The following TLCD4 variants were observed in gnomAD, a reference collection of about 807,000 sequenced individuals.
TLCD4 encodes the protein TLC domain-containing protein 4.
In TLCD4, 7 loss-of-function variants were observed where a neutral mutation model predicts 24.2. The observed-to-expected ratio is 0.29, with a 90% CI of 0.16 to 0.54. The LOEUF (loss-of-function observed/expected upper bound fraction) is 0.54, where lower values mean the gene tolerates loss of function less well. Ranked by LOEUF, TLCD4 falls within the 20% of genes least tolerant of loss-of-function variation. The pLI, the probability that TLCD4 is intolerant of heterozygous loss-of-function variation, is 0.95. For synonymous variants in TLCD4, 103 were observed against 106.4 expected (o/e 0.97, Z 0.20); for missense variants, 259 against 313.9 (o/e 0.82, Z 1.32).
chr1:95,121,659 C>G (rs535379883), intron 1 of TLCD4, among the ~76,000 whole-genome samples: 1 of 152,126 alleles, frequency 6.6e-6, no homozygotes, highest in East Asian at 1.9e-4. Flanking sequence ...TTGGTAGAGA[C>G]GGGGTTTCAC....
At chr1:95,150,560 G>A (rs1677466507) in intron 4 of TLCD4, among the ~76,000 whole-genome samples, 1 of 152,084 alleles carries the variant, frequency 6.6e-6, no homozygotes, top group Admixed American at 6.6e-5. Flanking sequence ...TAAGTGTAAT[G>A]ACTGTGAAAC....
chr1:95,114,991 G>A (rs1013080255), upstream of TLCD4, among the ~76,000 whole-genome samples: 1 of 151,088 alleles, frequency 6.6e-6, no homozygotes, highest in South Asian at 2.1e-4. Context: ...ACTTCATATG[G>A]TAAATACAGA....
intron 6 of TLCD4, among the ~76,000 whole-genome samples, chr1:95,175,299 T>C (rs1678381852): frequency 6.6e-6 from 1 of 152,232 alleles, no homozygotes; most frequent in African/African-American, 2.4e-5. Context: ...GTTTATCCTT[T>C]TGTGCCTGGC....
chr1:95,141,832 C>CACAA (rs1491056058), intron 1 of TLCD4, among the ~76,000 whole-genome samples: 1 of 141,308 alleles, frequency 7.1e-6, no homozygotes, highest in African/African-American at 2.7e-5. Context: ...CACACACACA[C>CACAA]AAAGAATGAG....
chr1:95,152,915 C>T (rs1342526051), intron 5 of TLCD4, among the ~76,000 whole-genome samples: 2 of 152,136 alleles, frequency 1.3e-5, no homozygotes, highest in Non-Finnish European at 2.9e-5. Flanking sequence ...CATTGATAGC[C>T]TTCACTTTTT....
chr1:95,184,907 AAT>A (rs2101015293), intron 6 of TLCD4, among the ~76,000 whole-genome samples: 1 of 152,296 alleles, frequency 6.6e-6, no homozygotes, highest in East Asian at 1.9e-4. Flanking sequence ...ACCTTGAGTT[AAT>A]ATTTGGGTTC....
chr1:95,196,189 T>A lies in TLCD4; in HGVS notation c.*4321T>A, dbSNP rs1220202255. On this transcript the variant is annotated 3_prime_UTR_variant, in exon 7 of 7. Coordinates refer to ENST00000370203, the MANE Select transcript of TLCD4 (RefSeq NM_152487.3). Reference sequence around the variant, plus strand: ...TCATCTCTGTTTTTCTTAAACTGGTTTAACAGTCAGAGCTTTGTAATGTGT... The same window carrying A: ...TCATCTCTGTTTTTCTTAAACTGGTATAACAGTCAGAGCTTTGTAATGTGT... 6.6e-6 allele frequency: 1 copy of A among 152,214 alleles called. No individual in the cohort carries two copies. Among genetic ancestry groups the A allele is most frequent in the Non-Finnish European group, 1.5e-5 (1 of 68,036 alleles). 9.4% of individuals were successfully genotyped at this position (152,214 alleles called of 1,614,324 possible).
the TLCD4 span, among the ~76,000 whole-genome samples, chr1:95,099,053 C>CAA: frequency 2.4e-4 from 17 of 70,656 alleles, 1 homozygote; most frequent in South Asian, 6.1e-4. Context: ...AACTCTGTCT[C>CAA]AAAAAAAAAA....
intron 1 of TLCD4, among the ~76,000 whole-genome samples, chr1:95,133,386 A>T (rs923578237): frequency 1.4e-4 from 5 of 36,768 alleles, no homozygotes; most frequent in Middle Eastern, 8.9e-3. Flanking sequence ...AAGTATAATT[A>T]AAAAAAAAAG....
intron 2 of TLCD4, among the ~76,000 whole-genome samples, chr1:95,147,063 A>G (rs1318602648): frequency 6.6e-6 from 1 of 151,636 alleles, no homozygotes; most frequent in Admixed American, 6.6e-5. Context: ...TTTATTTTAT[A>G]TCAAGGAATT....
At chr1:95,120,146 A>G (rs1233056706) in intron 1 of TLCD4, 1 of 152,206 alleles carries the variant, frequency 6.6e-6, no homozygotes, top group East Asian at 1.9e-4. Context: ...AGAAGAAGAT[A>G]GCAGTATGGA....
intron 5 of TLCD4, among the ~76,000 whole-genome samples, chr1:95,152,070 A>AT (rs1239389385): frequency 1.3e-5 from 2 of 152,026 alleles, no homozygotes; most frequent in Non-Finnish European, 2.9e-5. Context: ...TGCAACTGCA[A>AT]TTTTTTTCAT....
chr1:95,112,332 C>T, the TLCD4 span, among the ~76,000 whole-genome samples: 1 of 151,942 alleles, frequency 6.6e-6, no homozygotes, highest in South Asian at 2.1e-4. Flanking sequence ...ATAGATGTTC[C>T]AATAACCTAC....
chr1:95,181,310 A>G (rs149532188), intron 6 of TLCD4, among the ~76,000 whole-genome samples: 61 of 152,258 alleles, frequency 4.0e-4, no homozygotes, highest in African/African-American at 1.4e-3. Flanking sequence ...TTCTGTTTTC[A>G]GTCTGTTGTG....
chr1:95,148,990 T>C (rs1677422570), intron 3 of TLCD4, among the ~76,000 whole-genome samples, 199 bp downstream of exon 3: 1 of 152,200 alleles, frequency 6.6e-6, no homozygotes, highest in Non-Finnish European at 1.5e-5. Context: ...CATTTTGCCT[T>C]AGTGTAGCAA....
chr1:95,133,697 T>C (rs1676964771), intron 1 of TLCD4, among the ~76,000 whole-genome samples: 1 of 152,090 alleles, frequency 6.6e-6, no homozygotes, highest in Admixed American at 6.6e-5. Flanking sequence ...TATTGTGGAC[T>C]CTGAGAGGGT....
At chr1:95,094,629 G>T in the TLCD4 span, among the ~76,000 whole-genome samples, 5 of 152,272 alleles carry the variant, frequency 3.3e-5, no homozygotes, top group Non-Finnish European at 7.3e-5. Context: ...GATCACCAGA[G>T]AGTTTATCTG....
chr1:95,099,503 T>C, the TLCD4 span, among the ~76,000 whole-genome samples: 2 of 152,224 alleles, frequency 1.3e-5, no homozygotes, highest in Non-Finnish European at 2.9e-5. Context: ...TCACATGTAG[T>C]TATTTGTTTA....
At chr1:95,093,718 C>T in the TLCD4 span, among the ~76,000 whole-genome samples, 67 of 152,282 alleles carry the variant, frequency 4.4e-4, no homozygotes, top group African/African-American at 1.6e-3. Flanking sequence ...TTCCGAAATT[C>T]GTATGTCCAA....
Sources: gnomAD v4.1 joint callset for allele counts (sites outside exome capture counted in the v4.1 genomes callset) on GRCh38, gnomAD v4.1.1 for gene constraint, MANE v1.5 for transcripts, NCBI Gene and HGNC (gene_info 2026-07-23, HGNC 2026-07-21) for gene names.